The following AMN1 variants were observed in gnomAD, a reference collection of about 807,000 sequenced individuals.
AMN1 encodes the protein antagonist of mitotic exit network 1 homolog, also known as protein AMN1 homolog.
In AMN1, 20 loss-of-function variants were observed where a neutral mutation model predicts 33.0. The ratio of observed to expected loss-of-function variants is 0.61; its 90% CI spans 0.43 to 0.88. The LOEUF (loss-of-function observed/expected upper bound fraction) is 0.88. AMN1 is among the 40% of genes least tolerant of loss of function. AMN1 has a pLI of 0.00. For synonymous variants in AMN1, 114 were observed against 111.9 expected, an observed-to-expected ratio of 1.02 and a Z score of -0.12; for missense variants, 246 against 307.4, an observed-to-expected ratio of 0.80 and a Z score of 1.49.
At chr12:31,682,687 TAAAC>T (rs1378862088) in intron 6 of AMN1, among the ~76,000 whole-genome samples, 5 of 152,276 alleles carry the variant, frequency 3.3e-5, no homozygotes, top group Middle Eastern at 3.4e-3. Flanking sequence ...AGGCTATACT[TAAAC>T]AATTGGATGT....
chr12:31,719,809 C>T (rs1379119505), intron 1 of AMN1, among the ~76,000 whole-genome samples: 1 of 152,158 alleles, frequency 6.6e-6, no homozygotes, highest in East Asian at 1.9e-4. Context: ...ACAAAACTCA[C>T]AGCAGCATTG....
At chr12:31,689,236 A>G (rs767958033) in intron 5 of AMN1, 118 bp from the exon 6 acceptor site, 138 of 705,658 alleles carry the variant, frequency 2.0e-4, no homozygotes, top group Middle Eastern at 3.1e-4. Context: ...GCAAAAAAAA[A>G]GTATATAGAA....
intron 6 of AMN1, chr12:31,672,628 T>C (rs1256988717): frequency 2.9e-6 from 1 of 345,726 alleles, no homozygotes; most frequent in East Asian, 5.3e-5. Flanking sequence ...TTGTTTTCTC[T>C]GTAATTTCAT....
intron 5 of AMN1, among the ~76,000 whole-genome samples, chr12:31,696,106 A>C (rs1047590528): frequency 6.6e-6 from 1 of 151,844 alleles, no homozygotes; most frequent in Non-Finnish European, 1.5e-5. Context: ...ATGTGGTGGC[A>C]CATGCCTGCA....
At chr12:31,702,227 T>C (rs1939037896) in intron 2 of AMN1, among the ~76,000 whole-genome samples, 1 of 152,172 alleles carries the variant, frequency 6.6e-6, no homozygotes, top group Non-Finnish European at 1.5e-5. Flanking sequence ...AAAGTCCTTC[T>C]TGGGACACAA....
At chr12:31,720,984 C>T (rs1204477847) in intron 1 of AMN1, among the ~76,000 whole-genome samples, 1 of 152,012 alleles carries the variant, frequency 6.6e-6, no homozygotes, top group Non-Finnish European at 1.5e-5. Flanking sequence ...ATCTATAATC[C>T]CAGCACTTTG....
At chr12:31,728,415 C>T (rs574252640) in intron 1 of AMN1, among the ~76,000 whole-genome samples, 1 of 152,074 alleles carries the variant, frequency 6.6e-6, no homozygotes, top group East Asian at 1.9e-4. Flanking sequence ...GCTATTATCA[C>T]AAAAATTTTA....
intron 6 of AMN1, among the ~76,000 whole-genome samples, chr12:31,686,791 T>TA (rs1938282128): frequency 2.0e-5 from 3 of 152,210 alleles, no homozygotes; most frequent in African/African-American, 7.2e-5. Flanking sequence ...TGCACCATTG[T>TA]AAAGTCGAAA....
chr12:31,699,150 G>C (rs1406111527), intron 3 of AMN1, among the ~76,000 whole-genome samples: 1 of 151,970 alleles, frequency 6.6e-6, no homozygotes, highest in Non-Finnish European at 1.5e-5. Flanking sequence ...CAGCACTTTG[G>C]GAGGCCGAGG....
At chr12:31,678,379 T>C (rs971079448) in intron 6 of AMN1, among the ~76,000 whole-genome samples, 1 of 142,244 alleles carries the variant, frequency 7.0e-6, no homozygotes, top group African/African-American at 2.6e-5. Flanking sequence ...AAGAAGAAAC[T>C]ATGGGAAATA....
chr12:31,677,668 T>C (rs1454083667), intron 6 of AMN1, among the ~76,000 whole-genome samples: 1 of 152,096 alleles, frequency 6.6e-6, no homozygotes, highest in Non-Finnish European at 1.5e-5. Flanking sequence ...CTAAAGGACA[T>C]TGGAAGGCCT....
chr12:31,685,540 C>G (rs1323924124), intron 6 of AMN1, among the ~76,000 whole-genome samples: 1 of 152,120 alleles, frequency 6.6e-6, no homozygotes, highest in South Asian at 2.1e-4. Flanking sequence ...GTAGCTCACG[C>G]TTGTAATCCC....
intron 5 of AMN1, among the ~76,000 whole-genome samples, chr12:31,692,833 AAT>A (rs1938561351): frequency 6.6e-6 from 1 of 152,184 alleles, no homozygotes; most frequent in Admixed American, 6.6e-5. Flanking sequence ...TTATACAGCA[AAT>A]TAAATTTTAA....
At chr12:31,723,002 C>G (rs1306753122) in intron 1 of AMN1, among the ~76,000 whole-genome samples, 1 of 152,058 alleles carries the variant, frequency 6.6e-6, no homozygotes, top group Non-Finnish European at 1.5e-5. Flanking sequence ...ACTAAAAATA[C>G]AAAAAATTAG....
In AMN1 at chr12:31,701,948, A is replaced by T; in HGVS notation, c.231T>A (p.Ala77=). The change falls in exon 3 of 7, where the codon GCT becomes GCA. Residue 77 remains alanine, a synonymous_variant. Coordinates refer to ENST00000281471, the MANE Select transcript of AMN1 (RefSeq NM_001113402.2). ...DLRSCDISDA[A]LLHLSNCRKL... is the part of the protein sequence containing the mutation. ...TTCTACAGTTAGACAGGTGCAGGAG[A>T]GCAGCATCTGATATATCGCAGCTCC... The T allele has an allele frequency of 6.2e-7, 1 of 1,610,926 alleles. No homozygotes were observed. Among genetic ancestry groups the T allele is most frequent in the Non-Finnish European group, 8.5e-7 (1 of 1,178,862 alleles).
intron 3 of AMN1, among the ~76,000 whole-genome samples, 197 bp from the exon 4 acceptor site, chr12:31,698,154 TAC>T (rs1380285869): frequency 2.6e-5 from 4 of 152,244 alleles, no homozygotes; most frequent in East Asian, 1.9e-4. Context: ...AGGAATTCTC[TAC>T]ACAGTCTGTA....
chr12:31,714,094 T>G (rs1262474511), intron 1 of AMN1, among the ~76,000 whole-genome samples: 1 of 152,168 alleles, frequency 6.6e-6, no homozygotes, highest in Non-Finnish European at 1.5e-5. Flanking sequence ...CATGGAAAGC[T>G]TTTTTAATAT....
rs1342634235 is a variant in AMN1, at chr12:31,709,403, T to A, written c.61A>T (p.Asn21Tyr). Residue 21 changes from asparagine (N) to tyrosine (Y), a missense_variant, in exon 2 of 7, where the codon AAT becomes TAT. Asn to Tyr is a moderately radical substitution (Grantham distance 143, BLOSUM62 -2). Transcript: ENST00000281471. ...LDLCLWCFMKNISRYLTDIKP... is the reference protein window; with the variant it reads ...LDLCLWCFMKYISRYLTDIKP... Reference sequence around the variant, plus strand: ...ATGTCTGTGAGATATCTGGAAATATTCTTCATGAAGCACCAAAGGCATCTG... The same window carrying A: ...ATGTCTGTGAGATATCTGGAAATATACTTCATGAAGCACCAAAGGCATCTG... The A allele has an allele frequency of 1.2e-6, 2 of 1,613,624 alleles. No individual in the cohort carries two copies. The highest frequency in any genetic ancestry group is 2.2e-5 in the South Asian group (2 of 91,056).
At chr12:31,721,457 GCAGTCT>G (rs1216510040) in intron 1 of AMN1, among the ~76,000 whole-genome samples, 3 of 152,318 alleles carry the variant, frequency 2.0e-5, no homozygotes, top group African/African-American at 7.2e-5. Context: ...CTGGTGAACA[GCAGTCT>G]CCTGTTGGCT....
Sources: allele counts gnomAD v4.1 joint callset (sites outside exome capture counted in the v4.1 genomes callset), GRCh38; gene constraint gnomAD v4.1.1; transcripts MANE v1.5; gene names NCBI Gene and HGNC (gene_info 2026-07-23, HGNC 2026-07-21).